Variants in ACOT7 observed in about 807,000 individuals in gnomAD.
ACOT7 encodes acyl-CoA thioesterase 7, also known as cytosolic acyl coenzyme A thioester hydrolase.
ACOT7 carries 12 observed loss-of-function variants against 40.2 expected under a neutral mutation model. The observed-to-expected ratio is 0.30, with a 90% confidence interval of 0.19 to 0.48. ACOT7 has a LOEUF of 0.48. Ranked by LOEUF, ACOT7 falls within the 20% of genes least tolerant of loss-of-function variation. The pLI is 0.99. For synonymous variants in ACOT7, 228 were observed against 219.5 expected, an observed-to-expected ratio of 1.04 and a Z score of -0.34; for missense variants, 395 against 530.8, an observed-to-expected ratio of 0.74 and a Z score of 2.51.
intron 6 of ACOT7, among the ~76,000 whole-genome samples, chr1:6,308,873 C>T (rs1263722452): frequency 2.0e-5 from 3 of 150,656 alleles, no homozygotes; most frequent in South Asian, 2.1e-4. Flanking sequence ...ACAGCCAGTA[C>T]ATCTCCCCAG....
At chr1:6,295,612 A>T (rs1296980345) in intron 6 of ACOT7, 1 of 152,300 alleles carries the variant, frequency 6.6e-6, no homozygotes, top group Non-Finnish European at 1.5e-5. Context: ...ACGGAACAAT[A>T]GACGCTGCAC....
At chr1:6,321,052 C>T (rs1265792660) in intron 5 of ACOT7, among the ~76,000 whole-genome samples, 3 of 152,150 alleles carry the variant, frequency 2.0e-5, no homozygotes, top group Admixed American at 6.5e-5. Context: ...AGATGACTCC[C>T]GCCAGGGTCT....
At chr1:6,327,503 G>C in intron 4 of ACOT7, 90 bp from the exon 5 acceptor site, 1 of 1,069,106 alleles carries the variant, frequency 9.4e-7, no homozygotes, top group Non-Finnish European at 1.4e-6. Flanking sequence ...TTATAGCCTT[G>C]TGTAACTGGG....
chr1:6,393,579 G>T lies in ACOT7; in HGVS notation c.-180C>A. 3 of 473,410 alleles carry T rather than the reference G, an allele frequency of 6.3e-6. No individual in the cohort carries two copies. The highest frequency in any genetic ancestry group is 9.6e-6 in the Non-Finnish European group (3 of 312,368). The allele number at this position is 473,410 out of a possible 1,614,324, so 29.3% of individuals were successfully genotyped here. On this transcript the variant is annotated 5_prime_UTR_variant, in exon 1 of 9. Coordinates refer to ENST00000361521, the MANE Select transcript of ACOT7 (RefSeq NM_007274.4). ...GCGGGCGTACGATTCTGGCGGCGTG[G>T]GGGCCCAGGCAGCCGCCGCTTCCAG... is the stretch of plus-strand genomic sequence containing the variant.
In ACOT7 at chr1:6,382,859, CATT is replaced by C. The variant is rs1176493484; in HGVS notation, c.143+10395_143+10397del. Among the ~76,000 whole-genome samples, 10 of 151,462 alleles carry C rather than the reference CATT, an allele frequency of 6.6e-5. 1 individual carries two copies. In the East Asian group the frequency reaches 7.7e-4, roughly 12 times the overall value. On this transcript the variant is annotated intron_variant, in intron 1 of 8. Coordinates refer to ENST00000361521, the MANE Select transcript of ACOT7 (RefSeq NM_007274.4). ...CTTAACCATATACATATACACATAT[CATT>C]AAGATGGCAGTTTTTTTGTTTTTTT...
At chr1:6,351,330 G>T (rs183981661) in intron 1 of ACOT7, among the ~76,000 whole-genome samples, 68 of 152,364 alleles carry the variant, frequency 4.5e-4, no homozygotes, top group African/African-American at 1.2e-3. Flanking sequence ...GTGACACAGT[G>T]GCCGGGGGAT....
intron 1 of ACOT7, among the ~76,000 whole-genome samples, chr1:6,378,988 C>T (rs1034121253): frequency 1.3e-5 from 2 of 151,744 alleles, no homozygotes; most frequent in Admixed American, 1.3e-4. Flanking sequence ...CTCCGCCTCC[C>T]GGGTTCACAC....
intron 1 of ACOT7, chr1:6,360,652 T>C: frequency 3.7e-6 from 6 of 1,614,234 alleles, no homozygotes; most frequent in Non-Finnish European, 5.1e-6. Context: ...AGCAGGAGCA[T>C]CGTCTCCCCA....
rs1409719174 is a variant in ACOT7 at position 6,301,940 on chromosome 1, A to C, written c.713-6960T>G. Among the ~76,000 whole-genome samples the C allele has an allele frequency of 2.3e-4, 35 of 152,252 alleles. No individual in the cohort carries two copies. Among genetic ancestry groups the C allele is most frequent in the Admixed American group, 2.3e-3 (35 of 15,284 alleles). ...TGGGAAACCACGCAGAGTTTAGATCAGCGGCAGACCTGCTATGAAACAACA... is the reference window on the plus strand; with the variant it reads ...TGGGAAACCACGCAGAGTTTAGATCCGCGGCAGACCTGCTATGAAACAACA... On this transcript the variant is annotated intron_variant, in intron 6 of 8. Coordinates refer to ENST00000361521, the MANE Select transcript of ACOT7 (RefSeq NM_007274.4). The surrounding 1 kb of genome is among the most constrained non-coding windows in gnomAD (Gnocchi z 4.1).
chr1:6,313,532 C>T (rs967633587), intron 6 of ACOT7, among the ~76,000 whole-genome samples: 1 of 152,234 alleles, frequency 6.6e-6, no homozygotes. Flanking sequence ...TCTCTTCCTT[C>T]ATCAGTCACT....
At chr1:6,284,490 C>T (rs1359718222) in intron 7 of ACOT7, among the ~76,000 whole-genome samples, 3 of 150,674 alleles carry the variant, frequency 2.0e-5, no homozygotes, top group South Asian at 2.1e-4. Flanking sequence ...GCAACAGAAT[C>T]GCCTGAACCC....
intron 7 of ACOT7, among the ~76,000 whole-genome samples, chr1:6,281,975 A>G (rs1391515619): frequency 7.9e-5 from 12 of 152,074 alleles, no homozygotes; most frequent in Non-Finnish European, 1.5e-5. Flanking sequence ...AGAGTCCTCC[A>G]TGCTCAAAGC....
chr1:6,365,781 A>T (rs75301137), intron 1 of ACOT7, among the ~76,000 whole-genome samples: 1 of 151,548 alleles, frequency 6.6e-6, no homozygotes. Context: ...AAAAAAAAAA[A>T]AATTTATTGC....
At position 6,306,888 on chromosome 1, in the gene ACOT7, G is replaced by A; in HGVS notation, c.712+11604C>T. The A allele has an allele frequency of 7.8e-7, 1 of 1,289,106 alleles. No individual in the cohort carries two copies. The highest frequency in any genetic ancestry group is 1.5e-5 in the African/African-American group (1 of 65,942). The allele number at this position is 1,289,106 out of a possible 1,614,324, so 79.9% of individuals were successfully genotyped here. On this transcript the variant is annotated intron_variant, in intron 6 of 8. Transcript: ENST00000361521. The surrounding 1 kb of genome is among the most constrained non-coding windows in gnomAD (Gnocchi z 4.3). Reference sequence around the variant, plus strand: ...TCAGTGAAAGTCAACTCCTCCTGCAGGTGCAAAAGATTGTTTTTTCACAAC... The same window carrying A: ...TCAGTGAAAGTCAACTCCTCCTGCAAGTGCAAAAGATTGTTTTTTCACAAC...
intron 5 of ACOT7, among the ~76,000 whole-genome samples, chr1:6,325,335 T>C (rs1640769076): frequency 6.6e-6 from 1 of 151,534 alleles, no homozygotes; most frequent in Admixed American, 6.6e-5. Flanking sequence ...GAGGCAGAGC[T>C]TGCAGTGAGC....
At chr1:6,332,057 G>A (rs1005291852) in intron 4 of ACOT7, among the ~76,000 whole-genome samples, 3 of 152,238 alleles carry the variant, frequency 2.0e-5, no homozygotes, top group Admixed American at 1.3e-4. Context: ...ACGCTGGGGA[G>A]GGAACCAAGG....
At chr1:6,377,525 A>G (rs947375919) in intron 1 of ACOT7, among the ~76,000 whole-genome samples, 1 of 152,218 alleles carries the variant, frequency 6.6e-6, no homozygotes, top group African/African-American at 2.4e-5. Context: ...CAATTCAGCA[A>G]CTTCAGGCTG....
chr1:6,282,846 C>G lies in ACOT7; in HGVS notation c.830-1560G>C, dbSNP rs1362823713. 7.9e-7 allele frequency: 1 copy of G among 1,272,054 alleles called. No homozygotes were observed. Among genetic ancestry groups the G allele is most frequent in the East Asian group, 5.6e-5 (1 of 17,900 alleles). 78.8% of individuals were successfully genotyped at this position (1,272,054 alleles called of 1,614,324 possible). ...AAGCGCCCGCAGTCACAAGACGCAC[C>G]CCGGGAGGAGGGCAGGCCATGGGTC... On this transcript the variant is annotated intron_variant, in intron 7 of 8. Transcript: ENST00000361521. The surrounding 1 kb of genome is among the most constrained non-coding windows in gnomAD (Gnocchi z 4.5).
intron 5 of ACOT7, among the ~76,000 whole-genome samples, chr1:6,323,605 C>T (rs1381230721): frequency 6.6e-6 from 1 of 151,218 alleles, no homozygotes; most frequent in African/African-American, 2.4e-5. Context: ...GTAATCCCAG[C>T]TACTCAGGAG....
Sources: gnomAD v4.1 joint callset for allele counts (sites outside exome capture counted in the v4.1 genomes callset) on GRCh38, gnomAD v4.1.1 for gene constraint, Gnocchi (gnomAD v3.1) non-coding constraint, MANE v1.5 for transcripts, NCBI Gene and HGNC (gene_info 2026-07-23, HGNC 2026-07-21) for gene names.